LRRC34: variants seen among roughly 807,000 people sequenced by gnomAD.
LRRC34 encodes the protein leucine-rich repeat-containing protein 34.
LRRC34 carries 44 observed loss-of-function variants against 48.5 expected under a neutral mutation model. The ratio of observed to expected loss-of-function variants is 0.91; its 90% CI spans 0.71 to 1.17. The LOEUF is 1.17. Ranked by LOEUF, LRRC34 falls within the 50% of genes most tolerant of loss-of-function variation. The pLI is 0.00. For synonymous variants in LRRC34, 192 were observed against 197.6 expected, an observed-to-expected ratio of 0.97 and a Z score of 0.24; for missense variants, 502 against 563.0, an observed-to-expected ratio of 0.89 and a Z score of 1.10.
chr3:169,793,889 T>G (rs752316252), intron 10 of LRRC34, 51 bp from the exon 11 acceptor site: 5 of 1,251,250 alleles, frequency 4.0e-6, no homozygotes, highest in Non-Finnish European at 5.6e-6. Context: ...TGTATTCAAT[T>G]TACAGTGCTT....
intron 6 of LRRC34, 38 bp from the exon 7 acceptor site, chr3:169,800,792 T>C (rs1247719745): frequency 5.6e-6 from 7 of 1,246,154 alleles, no homozygotes; most frequent in Non-Finnish European, 6.7e-6. Flanking sequence ...ACAGACAAAG[T>C]ATATAATAAT....
rs762418016 is a variant in LRRC34, at chr3:169,807,669, G to A, written c.298C>T (p.Arg100Cys). ...GTAACTCTTTCTACTGGCACTAAGC[G>A]ATTGTTACCAGCAATGTTTAATGTG... ...GITLNIAGNN[R>C]LVPVERVTGE... Residue 100 changes from arginine to cysteine, a missense_variant, in exon 3 of 11, where the codon CGC (arginine) becomes TGC (cysteine). By Grantham distance (180) the Arg-to-Cys change is radical. Coordinates refer to ENST00000446859, the MANE Select transcript of LRRC34 (RefSeq NM_001172779.2). 27 of 1,525,108 alleles carry A rather than the reference G, an allele frequency of 1.8e-5. No individual in the cohort carries two copies. Among genetic ancestry groups the A allele is most frequent in the East Asian group, 1.5e-4 (6 of 38,826 alleles). 94.5% of individuals were successfully genotyped at this position (1,525,108 alleles called of 1,614,324 possible). A position where few individuals can be genotyped will look rare whatever the true frequency, so the allele number is the denominator to read the frequency against.
chr3:169,796,199 T>C lies in LRRC34; in HGVS notation c.1064+15A>G. The C allele has an allele frequency of 1.3e-6, 2 of 1,581,302 alleles. 1 individual carries two copies. Among genetic ancestry groups the C allele is most frequent in the South Asian group, 2.4e-5 (2 of 84,050 alleles). The stretch of plus-strand genomic sequence containing the variant: ...GCTTTTCTGTTATTTTGATTAAATA[T>C]AAAACCATACTAACGCTTTAAGACT... On this transcript the variant is annotated intron_variant, in intron 9 of 10. Transcript: ENST00000446859.
intron 1 of LRRC34, among the ~76,000 whole-genome samples, chr3:169,811,029 G>A (rs567711574): frequency 3.3e-5 from 5 of 152,260 alleles, no homozygotes; most frequent in African/African-American, 1.2e-4. Context: ...CAGAGATCGC[G>A]CCACTGCACT....
intron 10 of LRRC34, 87 bp from the exon 11 acceptor site, chr3:169,793,925 C>A: frequency 1.2e-6 from 1 of 847,798 alleles, no homozygotes; most frequent in South Asian, 2.0e-5. Context: ...TTCAAATTAG[C>A]TGTGCTAATT....
At chr3:169,799,140 C>T (rs78923715) in intron 7 of LRRC34, among the ~76,000 whole-genome samples, 2 of 152,158 alleles carry the variant, frequency 1.3e-5, no homozygotes, top group African/African-American at 2.4e-5. Flanking sequence ...ATTGGATTTA[C>T]GTACATGAAA....
At chr3:169,795,085 T>G (rs374930021) in intron 10 of LRRC34, 16 of 152,552 alleles carry the variant, frequency 1.0e-4, no homozygotes, top group African/African-American at 3.8e-4. Flanking sequence ...CCATTATTTC[T>G]GTTTTGAAAG....
intron 10 of LRRC34, 142 bp downstream of exon 10, chr3:169,795,343 G>GTTAAT: frequency 1.2e-6 from 1 of 806,232 alleles, no homozygotes; most frequent in Non-Finnish European, 1.8e-6. Flanking sequence ...CTCTCTAGTA[G>GTTAAT]TTAATTTTAA....
intron 5 of LRRC34, among the ~76,000 whole-genome samples, chr3:169,805,591 A>G (rs1362184681): frequency 6.6e-6 from 1 of 152,136 alleles, no homozygotes; most frequent in Non-Finnish European, 1.5e-5. Flanking sequence ...TCCTATTAAA[A>G]TCCCAGCTGC....
chr3:169,793,881 TATTCA>T, intron 10 of LRRC34, 43 bp from the exon 11 acceptor site: 4 of 1,396,928 alleles, frequency 2.9e-6, no homozygotes, highest in Non-Finnish European at 4.0e-6. Flanking sequence ...AGAAAAAATG[TATTCA>T]ATTTACAGTG....
At chr3:169,797,300 T>C (rs770529680) in intron 7 of LRRC34, among the ~76,000 whole-genome samples, 3 of 152,204 alleles carry the variant, frequency 2.0e-5, no homozygotes, top group Non-Finnish European at 2.9e-5. Flanking sequence ...ACTTTGCTCT[T>C]GATCTCTACT....
At chr3:169,801,522 C>T (rs924046806) in intron 6 of LRRC34, among the ~76,000 whole-genome samples, 1 of 152,126 alleles carries the variant, frequency 6.6e-6, no homozygotes, top group Non-Finnish European at 1.5e-5. Flanking sequence ...CAGATCATTA[C>T]CCCTCAGAGC....
chr3:169,796,224 T>C lies in LRRC34; in HGVS notation c.1054A>G (p.Ser352Gly). The change falls in exon 9 of 11, where the codon AGT becomes GGT. Residue 352 changes from serine to glycine, a missense_variant. Coordinates refer to ENST00000446859, the MANE Select transcript of LRRC34 (RefSeq NM_001172779.2). The stretch of plus-strand genomic sequence containing the variant: ...TAAAACCATACTAACGCTTTAAGAC[T>C]CCTGTTGTGTGAAGTAAGAGTTTCA... ...LSETLTSHNR[S>G]LKALSVVSNN... The C allele has an allele frequency of 6.2e-7, 1 of 1,607,074 alleles. No homozygotes were observed. Among genetic ancestry groups the C allele is most frequent in the Non-Finnish European group, 8.5e-7 (1 of 1,178,226 alleles).
chr3:169,804,190 GA>G lies in LRRC34; in HGVS notation c.529-10del, dbSNP rs761070507. The G allele has an allele frequency of 2.3e-5, 36 of 1,550,908 alleles. No homozygotes were observed. The Admixed American group carries it at 3.8e-4, about 16-fold the overall frequency. On this transcript the variant is annotated splice_polypyrimidine_tract_variant and intron_variant, in intron 5 of 10. Transcript: ENST00000446859. ...TTCAGAGTCCGATTCTTCTGAAAAGGAAAAAAAACTTATTTAATAATTGTTA... is the reference window on the plus strand; with the variant it reads ...TTCAGAGTCCGATTCTTCTGAAAAGGAAAAAAACTTATTTAATAATTGTTA...
chr3:169,803,798 C>A (rs1779276399), intron 6 of LRRC34, among the ~76,000 whole-genome samples: 1 of 152,304 alleles, frequency 6.6e-6, no homozygotes, highest in South Asian at 2.1e-4. Flanking sequence ...TGAACATGAT[C>A]TTTTTCTAAA....
Position 169,800,650 on chromosome 3 carries a change from A to C in LRRC34, c.753+9T>G, listed in dbSNP as rs987204618. The stretch of plus-strand genomic sequence containing the variant: ...TGTTATATTAACTACCATCACTTTG[A>C]ATACATACCTGTTCACTGTACAGTA... On this transcript the variant is annotated intron_variant, in intron 7 of 10. Coordinates refer to ENST00000446859, the MANE Select transcript of LRRC34 (RefSeq NM_001172779.2). The C allele has an allele frequency of 6.7e-7, 1 of 1,497,990 alleles. No individual in the cohort carries two copies. The highest frequency in any genetic ancestry group is 1.4e-5 in the African/African-American group (1 of 72,118). The allele number at this position is 1,497,990 out of a possible 1,614,324, so 92.8% of individuals were successfully genotyped here. A position where few individuals can be genotyped will look rare whatever the true frequency, so the allele number is the denominator to read the frequency against.
rs767639981 is a variant in LRRC34 at position 169,807,461 on chromosome 3, C to T, written c.409G>A (p.Asp137Asn). ...TTCGCAGCATAGTATGCACCAACAT[C>T]ACATAGAAGGTTATATCCAACATCC... ...GLDVGYNLLC[D>N]VGAYYAAKLL... Residue 137 changes from aspartate to asparagine, a missense_variant, in exon 4 of 11, where the codon GAT (aspartate) becomes AAT (asparagine). Transcript: ENST00000446859. 7 of 1,613,784 alleles carry T rather than the reference C, an allele frequency of 4.3e-6. No individual in the cohort carries two copies. The highest frequency in any genetic ancestry group is 1.7e-5 in the Admixed American group (1 of 59,982).
In LRRC34 at chr3:169,812,687, C is replaced by T. The variant is rs1779645110; in HGVS notation, c.-139G>A. ...ACTGCTAAGGCAGTGACCGCCTACT[C>T]TGTGGAGGTCCTTTGTCACCCTGCC... On this transcript the variant is annotated 5_prime_UTR_variant, in exon 1 of 11. Transcript: ENST00000446859. This position sits in a 1 kb window ranked among gnomAD's most constrained non-coding sequence, Gnocchi z 4.3. The T allele has an allele frequency of 8.2e-7, 1 of 1,225,006 alleles. No homozygotes were observed. The highest frequency in any genetic ancestry group is 3.7e-5 in the Admixed American group (1 of 27,178). The allele number at this position is 1,225,006 out of a possible 1,614,324, so 75.9% of individuals were successfully genotyped here. A position where few individuals can be genotyped will look rare whatever the true frequency, so the allele number is the denominator to read the frequency against.
chr3:169,807,740 AAAAG>A (rs1343984053), intron 2 of LRRC34, 31 bp from the exon 3 acceptor site: 2 of 1,529,732 alleles, frequency 1.3e-6, no homozygotes, highest in Admixed American at 2.3e-5. Flanking sequence ...AAAAAAAAAA[AAAAG>A]ATTTTGAAAT....
Sources: gnomAD v4.1 joint callset for allele counts (sites outside exome capture counted in the v4.1 genomes callset) on GRCh38, gnomAD v4.1.1 for gene constraint, Gnocchi (gnomAD v3.1) non-coding constraint, MANE v1.5 for transcripts, NCBI Gene and HGNC (gene_info 2026-07-23, HGNC 2026-07-21) for gene names.